The following ANKRD6 variants were observed in gnomAD, a reference collection of about 807,000 sequenced individuals.
The protein encoded by ANKRD6 is ankyrin repeat domain-containing protein 6.
A neutral mutation model predicts 82.3 loss-of-function variants in ANKRD6; 56 were observed. That is an observed-to-expected ratio of 0.68 (90% CI 0.55 to 0.85). ANKRD6 has a LOEUF of 0.85. Among genes scored for constraint, ANKRD6 ranks in the 40% least tolerant of loss-of-function variants. The pLI is 0.00. For synonymous variants in ANKRD6, 347 were observed against 352.1 expected (o/e 0.99, Z 0.16); for missense variants, 852 against 907.6 (o/e 0.94, Z 0.79).
At chr6:89,526,483 G>T (rs1197323745) in intron 1 of ANKRD6, among the ~76,000 whole-genome samples, 3 of 152,178 alleles carry the variant, frequency 2.0e-5, no homozygotes, top group Non-Finnish European at 4.4e-5. Context: ...TCAAATTGCA[G>T]CCCTGGCCTG....
chr6:89,577,639 G>A (rs1316235014), intron 2 of ANKRD6, among the ~76,000 whole-genome samples: 1 of 152,108 alleles, frequency 6.6e-6, no homozygotes, highest in Non-Finnish European at 1.5e-5. Flanking sequence ...GAAACATAGT[G>A]AGACCCTGTC....
At chr6:89,527,007 A>G (rs888462986) in intron 1 of ANKRD6, among the ~76,000 whole-genome samples, 1 of 152,226 alleles carries the variant, frequency 6.6e-6, no homozygotes, top group Non-Finnish European at 1.5e-5. Context: ...AAATGCTAGT[A>G]TCTTCCAGAA....
intron 1 of ANKRD6, among the ~76,000 whole-genome samples, chr6:89,436,164 A>T (rs769649677): frequency 6.6e-6 from 1 of 152,216 alleles, no homozygotes; most frequent in Non-Finnish European, 1.5e-5. Context: ...TGAGAGAAAA[A>T]ATATTTTACA....
At chr6:89,629,837 AG>A (rs1338320757) in intron 15 of ANKRD6, among the ~76,000 whole-genome samples, 1 of 152,206 alleles carries the variant, frequency 6.6e-6, no homozygotes, top group African/African-American at 2.4e-5. Flanking sequence ...GTGTTACCAC[AG>A]GCCATCTCTG....
At chr6:89,482,547 A>T (rs1776931930) in intron 1 of ANKRD6, among the ~76,000 whole-genome samples, 1 of 152,148 alleles carries the variant, frequency 6.6e-6, no homozygotes, top group African/African-American at 2.4e-5. Context: ...TTGAAACCTA[A>T]CTGGCTTCTC....
At chr6:89,623,261 A>C in intron 10 of ANKRD6, 149 bp from the exon 11 acceptor site, 2 of 1,086,876 alleles carry the variant, frequency 1.8e-6, no homozygotes, top group Non-Finnish European at 2.5e-6. Context: ...ACCACCAAGC[A>C]GTGTTTCCTA....
chr6:89,616,597 T>G lies in ANKRD6; in HGVS notation c.654T>G (p.Asn218Lys), dbSNP rs749182200. The G allele has an allele frequency of 2.5e-6, 4 of 1,614,018 alleles. No individual in the cohort carries two copies. The South Asian group carries it at 4.4e-5, about 18-fold the overall frequency. Residue 218 changes from asparagine (N) to lysine (K), a missense_variant, in exon 8 of 16, where the codon AAT becomes AAG. By Grantham distance (94) the Asn-to-Lys change is moderately conservative. Transcript: ENST00000339746. ...DTALHVAAAL[N>K]HKKVAKILLE... ...CACTTCACGTTGCTGCTGCCCTAAA[T>G]CACAAGAAGGTGGCCAAAATCTTAC...
At chr6:89,499,126 C>T (rs1325144769) in intron 1 of ANKRD6, among the ~76,000 whole-genome samples, 2 of 152,174 alleles carry the variant, frequency 1.3e-5, no homozygotes, top group Non-Finnish European at 2.9e-5. Context: ...AAAGACTTTG[C>T]CTTCTTCCTG....
intron 1 of ANKRD6, among the ~76,000 whole-genome samples, chr6:89,513,769 T>C (rs922388835): frequency 6.6e-6 from 1 of 152,238 alleles, no homozygotes. Context: ...TTAATGTTAG[T>C]CTTAGGTGGC....
At chr6:89,539,023 A>G (rs67897725) in intron 1 of ANKRD6, among the ~76,000 whole-genome samples, 50,945 of 152,004 alleles carry the variant, frequency 0.34, 8,838 homozygotes, top group African/African-American at 0.38. Flanking sequence ...AATTTTATCA[A>G]TGTTTGATTT....
intron 1 of ANKRD6, among the ~76,000 whole-genome samples, chr6:89,542,782 T>C (rs746526288): frequency 2.6e-5 from 4 of 152,272 alleles, no homozygotes; most frequent in Admixed American, 6.5e-5. Context: ...ATCACCAGTA[T>C]AAGTAATTCA....
chr6:89,587,007 G>A (rs1470017156), intron 2 of ANKRD6, among the ~76,000 whole-genome samples: 1 of 151,916 alleles, frequency 6.6e-6, no homozygotes, highest in Non-Finnish European at 1.5e-5. Flanking sequence ...TGGCCAACAT[G>A]GTGAAACCCC....
At chr6:89,600,642 T>C (rs1369322257) in intron 3 of ANKRD6, among the ~76,000 whole-genome samples, 1 of 152,104 alleles carries the variant, frequency 6.6e-6, no homozygotes, top group African/African-American at 2.4e-5. Context: ...TCTTAGCAGG[T>C]CAGTAATCAT....
intron 1 of ANKRD6, among the ~76,000 whole-genome samples, chr6:89,551,430 G>A (rs1785832512): frequency 6.6e-6 from 1 of 152,156 alleles, no homozygotes. Flanking sequence ...GGAATGTGCA[G>A]GACTGTCCTC....
At position 89,445,264 on chromosome 6, in the gene ANKRD6, CTTTTTTTTTTTT is replaced by C. The variant is rs1227274602; in HGVS notation, c.-144+11902_-144+11913del. On this transcript the variant is annotated intron_variant, in intron 1 of 15. Coordinates refer to ENST00000339746, the MANE Select transcript of ANKRD6 (RefSeq NM_001242809.2). ...CGGTGATCTGTGATCAGAGATCTTTCTTTTTTTTTTTTTTTTTTTTTTTTGAGATAGAGTCTT... is the reference window on the plus strand; with the variant it reads ...CGGTGATCTGTGATCAGAGATCTTTCTTTTTTTTTTTTGAGATAGAGTCTT... Among the ~76,000 whole-genome samples, 150 of 64,098 alleles carry C rather than the reference CTTTTTTTTTTTT, an allele frequency of 2.3e-3. 3 individuals carry two copies. The highest frequency in any genetic ancestry group is 0.021 in the Middle Eastern group (1 of 48). 42.1% of individuals were successfully genotyped at this position (64,098 alleles called of 152,430 possible).
intron 1 of ANKRD6, among the ~76,000 whole-genome samples, chr6:89,458,946 C>T (rs909036371): frequency 6.6e-6 from 1 of 152,222 alleles, no homozygotes; most frequent in African/African-American, 2.4e-5. Context: ...CCTGCCACCC[C>T]CACATTTGAC....
chr6:89,448,233 G>A (rs1259996064), intron 1 of ANKRD6, among the ~76,000 whole-genome samples: 2 of 151,884 alleles, frequency 1.3e-5, no homozygotes, highest in Non-Finnish European at 1.5e-5. Flanking sequence ...CCAGGAGTTT[G>A]AGACCAGCCT....
intron 1 of ANKRD6, among the ~76,000 whole-genome samples, chr6:89,498,633 T>A (rs1480381593): frequency 6.6e-6 from 1 of 152,196 alleles, no homozygotes; most frequent in Non-Finnish European, 1.5e-5. Flanking sequence ...AAGTGTTCTC[T>A]TGAAACCTGC....
chr6:89,569,206 C>T (rs147166428), intron 2 of ANKRD6, among the ~76,000 whole-genome samples: 62 of 152,256 alleles, frequency 4.1e-4, no homozygotes, highest in African/African-American at 1.3e-3. Flanking sequence ...TGAGCCACCG[C>T]GCCTGGCTCC....
Sources: allele counts gnomAD v4.1 joint callset (sites outside exome capture counted in the v4.1 genomes callset), GRCh38; gene constraint gnomAD v4.1.1; transcripts MANE v1.5; gene names NCBI Gene and HGNC (gene_info 2026-07-23, HGNC 2026-07-21).